The following SLC14A2 variants were observed in gnomAD, a reference collection of about 807,000 sequenced individuals.
SLC14A2 encodes the protein solute carrier family 14 member 2.
Under a neutral mutation model 104.6 loss-of-function variants are expected in SLC14A2, and 91 were observed. The observed-to-expected ratio is 0.87, with a 90% CI of 0.73 to 1.04. The LOEUF (loss-of-function observed/expected upper bound fraction) is 1.04, where lower values mean the gene tolerates loss of function less well. Ranked by LOEUF, SLC14A2 falls within the 50% of genes least tolerant of loss-of-function variation. The pLI is 0.00. For synonymous variants in SLC14A2, 476 were observed against 466.4 expected (o/e 1.02, Z -0.27); for missense variants, 1,189 against 1,156.0 (o/e 1.03, Z -0.41).
rs73955816 is a variant in SLC14A2, at chr18:45,446,713, C to T, written c.-124-36520C>T. Among the ~76,000 whole-genome samples, 1,389 of 152,312 alleles carry T rather than the reference C, an allele frequency of 9.1e-3. 22 individuals are homozygous for T. The highest frequency in any genetic ancestry group is 0.032 in the African/African-American group (1,327 of 41,556). On this transcript the variant is annotated intron_variant, in intron 1 of 20. Coordinates refer to the SLC14A2 transcript ENST00000586448. ...TCTTCTTGCAGCCCTTTCCCCACCT[C>T]GCACAGGTCTGTGCAGTATTGACTG...
At chr18:45,330,587 A>G (rs1482849685) in intron 1 of SLC14A2, among the ~76,000 whole-genome samples, 2 of 152,228 alleles carry the variant, frequency 1.3e-5, no homozygotes, top group African/African-American at 4.8e-5. Context: ...AGCCCACAGG[A>G]ACATGGAATA....
At chr18:45,620,989 C>T (rs1169861939) in intron 1 of SLC14A2, among the ~76,000 whole-genome samples, 12 of 152,122 alleles carry the variant, frequency 7.9e-5, no homozygotes, top group Non-Finnish European at 1.8e-4. Flanking sequence ...ATTTCATAGC[C>T]ACTGAATTTA....
intron 1 of SLC14A2, among the ~76,000 whole-genome samples, chr18:45,618,605 G>T (rs1227430711): frequency 6.9e-6 from 1 of 144,548 alleles, no homozygotes; most frequent in Non-Finnish European, 1.5e-5. Context: ...GGAGGAGGAG[G>T]TTGTAGTGAG....
intron 1 of SLC14A2, chr18:45,482,542 T>C (rs1392885972): frequency 6.6e-6 from 1 of 152,216 alleles, no homozygotes; most frequent in African/African-American, 2.4e-5. Context: ...TTCACTCAAG[T>C]GATTGTTGGC....
chr18:45,367,509 G>A (rs776750275), intron 1 of SLC14A2, among the ~76,000 whole-genome samples: 20 of 152,196 alleles, frequency 1.3e-4, no homozygotes, highest in Admixed American at 7.9e-4. Context: ...AAATCAGTGA[G>A]CAAGCAGACT....
chr18:45,306,404 T>C (rs1892404109), intron 1 of SLC14A2, among the ~76,000 whole-genome samples: 2 of 152,178 alleles, frequency 1.3e-5, no homozygotes. Flanking sequence ...AGAGAAAAGG[T>C]CTGAGGGTGC....
At chr18:45,384,690 C>T (rs145359612) in intron 1 of SLC14A2, among the ~76,000 whole-genome samples, 2 of 152,194 alleles carry the variant, frequency 1.3e-5, no homozygotes, top group East Asian at 3.9e-4. Flanking sequence ...CCAGGGGCTG[C>T]CCTCGCATTG....
intron 5 of SLC14A2, among the ~76,000 whole-genome samples, chr18:45,635,451 G>C (rs75762180): frequency 0.022 from 3,314 of 152,302 alleles, 121 homozygotes; most frequent in African/African-American, 0.076. Flanking sequence ...CCAGTGTCAT[G>C]GTAGCCCAGA....
At chr18:45,340,029 A>G (rs914105265) in intron 1 of SLC14A2, among the ~76,000 whole-genome samples, 3 of 152,220 alleles carry the variant, frequency 2.0e-5, no homozygotes, top group African/African-American at 7.2e-5. Flanking sequence ...GCCTCTGCTT[A>G]CCTGGGCACA....
intron 1 of SLC14A2, among the ~76,000 whole-genome samples, chr18:45,282,331 C>G (rs549515217): frequency 2.0e-5 from 3 of 152,136 alleles, no homozygotes; most frequent in South Asian, 4.2e-4. Flanking sequence ...CTATTTGGAC[C>G]CCAACTTAGT....
At chr18:45,270,673 A>C (rs1314362203) in intron 1 of SLC14A2, among the ~76,000 whole-genome samples, 1 of 152,160 alleles carries the variant, frequency 6.6e-6, no homozygotes, top group Non-Finnish European at 1.5e-5. Flanking sequence ...ACTGGCACTG[A>C]TAAAGAAAAC....
At chr18:45,674,609 T>TAA (rs60197753) in intron 18 of SLC14A2, among the ~76,000 whole-genome samples, 6 of 143,924 alleles carry the variant, frequency 4.2e-5, no homozygotes, top group Non-Finnish European at 6.1e-5. Context: ...TGTAGTTACT[T>TAA]AAAAAAAAAA....
intron 2 of SLC14A2, among the ~76,000 whole-genome samples, chr18:45,583,823 A>T (rs1400521449): frequency 6.6e-6 from 1 of 152,178 alleles, no homozygotes; most frequent in East Asian, 1.9e-4. Context: ...TCCTGACCTC[A>T]CTAAACACAG....
At chr18:45,183,755 A>G in the SLC14A2 span, among the ~76,000 whole-genome samples, 1 of 149,164 alleles carries the variant, frequency 6.7e-6, no homozygotes, top group African/African-American at 2.5e-5. Flanking sequence ...CTTTCAAGAC[A>G]GGGCCTTGCT....
intron 1 of SLC14A2, among the ~76,000 whole-genome samples, chr18:45,450,086 C>G (rs1164221562): frequency 6.6e-6 from 1 of 152,180 alleles, no homozygotes; most frequent in Non-Finnish European, 1.5e-5. Flanking sequence ...TTTCCCCAGC[C>G]TTTTTTAAAA....
At chr18:45,552,471 C>T (rs1484600599) in intron 2 of SLC14A2, among the ~76,000 whole-genome samples, 1 of 151,678 alleles carries the variant, frequency 6.6e-6, no homozygotes, top group Admixed American at 6.6e-5. Context: ...GACACTCATT[C>T]ATTTCACAAA....
At chr18:45,529,360 T>C (rs1355042711) in intron 2 of SLC14A2, 1 of 152,180 alleles carries the variant, frequency 6.6e-6, no homozygotes, top group Non-Finnish European at 1.5e-5. Context: ...TATGAAACCC[T>C]ATATGAAAAA....
intron 2 of SLC14A2, among the ~76,000 whole-genome samples, chr18:45,576,433 G>T (rs189992921): frequency 6.6e-6 from 1 of 151,904 alleles, no homozygotes; most frequent in Non-Finnish European, 1.5e-5. Context: ...ACAGGCACAC[G>T]CCACCACGCC....
At chr18:45,631,119 C>T (rs1236476170) in intron 4 of SLC14A2, among the ~76,000 whole-genome samples, 1 of 152,248 alleles carries the variant, frequency 6.6e-6, no homozygotes, top group Admixed American at 6.5e-5. Context: ...TTCTGCCATG[C>T]AAGAACAGCC....
Sources: gnomAD v4.1 joint callset for allele counts (sites outside exome capture counted in the v4.1 genomes callset) on GRCh38, gnomAD v4.1.1 for gene constraint, MANE v1.5 for transcripts, NCBI Gene and HGNC (gene_info 2026-07-23, HGNC 2026-07-21) for gene names.